Variants in OSBPL10 observed in about 807,000 individuals in gnomAD.
OSBPL10 encodes the protein oxysterol-binding protein-related protein 10.
Under a neutral mutation model 81.7 loss-of-function variants are expected in OSBPL10, and 49 were observed. The ratio of observed to expected loss-of-function variants is 0.60; its 90% CI spans 0.48 to 0.76. OSBPL10 has a LOEUF of 0.76. Ranked by LOEUF, OSBPL10 falls within the 30% of genes least tolerant of loss-of-function variation. The pLI is 0.00. For missense variants in OSBPL10, 923 were observed against 987.8 expected (o/e 0.93, Z 0.88); for synonymous variants, 419 against 383.6 (o/e 1.09, Z -1.08).
chr3:31,888,841 T>G (rs945782792), intron 1 of OSBPL10, among the ~76,000 whole-genome samples: 1 of 151,996 alleles, frequency 6.6e-6, no homozygotes, highest in Non-Finnish European at 1.5e-5. Flanking sequence ...GGAGAATCAC[T>G]CGAACCTGAG....
intron 3 of OSBPL10, among the ~76,000 whole-genome samples, chr3:31,850,170 G>A (rs1371449886): frequency 1.3e-5 from 2 of 151,654 alleles, no homozygotes; most frequent in Non-Finnish European, 2.9e-5. Flanking sequence ...GTCTCAAAAA[G>A]AAAAAAATTA....
intron 1 of OSBPL10, among the ~76,000 whole-genome samples, chr3:31,913,563 T>C (rs565253730): frequency 3.3e-5 from 5 of 152,270 alleles, no homozygotes; most frequent in Non-Finnish European, 7.4e-5. Context: ...ACTAGTTTTA[T>C]AAACCTAAAT....
At chr3:31,814,575 G>A (rs937313406) in intron 4 of OSBPL10, among the ~76,000 whole-genome samples, 2 of 152,164 alleles carry the variant, frequency 1.3e-5, no homozygotes, top group African/African-American at 4.8e-5. Flanking sequence ...ATGCGTCTAT[G>A]AACCACAGAA....
At chr3:31,823,076 A>G (rs1389493330) in intron 4 of OSBPL10, among the ~76,000 whole-genome samples, 1 of 151,934 alleles carries the variant, frequency 6.6e-6, no homozygotes, top group Non-Finnish European at 1.5e-5. Context: ...ATAGGCTTAC[A>G]CTATCATCAC....
At chr3:31,942,822 T>A (rs950017666) in intron 1 of OSBPL10, among the ~76,000 whole-genome samples, 1 of 152,200 alleles carries the variant, frequency 6.6e-6, no homozygotes, top group Non-Finnish European at 1.5e-5. Flanking sequence ...ACAAAAAAAA[T>A]TATGTCAAAT....
At chr3:31,953,181 C>T (rs1697918249) in intron 1 of OSBPL10, among the ~76,000 whole-genome samples, 1 of 151,936 alleles carries the variant, frequency 6.6e-6, no homozygotes, top group Non-Finnish European at 1.5e-5. Flanking sequence ...GATCCATCCA[C>T]CTCAACCTCC....
intron 6 of OSBPL10, chr3:31,717,182 G>C (rs1696468903): frequency 6.6e-6 from 1 of 152,254 alleles, no homozygotes; most frequent in Non-Finnish European, 1.5e-5. Flanking sequence ...ATTTATTGAG[G>C]ACTTTCCATG....
chr3:31,741,033 A>T (rs1697331808), intron 5 of OSBPL10, among the ~76,000 whole-genome samples: 1 of 152,158 alleles, frequency 6.6e-6, no homozygotes, highest in South Asian at 2.1e-4. Flanking sequence ...AATTGTCTTA[A>T]TCTATCCTTG....
At chr3:31,685,518 T>C (rs984587069) in intron 7 of OSBPL10, among the ~76,000 whole-genome samples, 1 of 152,208 alleles carries the variant, frequency 6.6e-6, no homozygotes, top group Non-Finnish European at 1.5e-5. Flanking sequence ...ACAGCCAGCC[T>C]TAACCCAGAG....
intron 1 of OSBPL10, among the ~76,000 whole-genome samples, chr3:31,893,143 A>G (rs1371130746): frequency 6.6e-6 from 1 of 152,188 alleles, no homozygotes; most frequent in East Asian, 1.9e-4. Flanking sequence ...CTAAAGCACA[A>G]TCTCTGGCCA....
intron 1 of OSBPL10, among the ~76,000 whole-genome samples, chr3:31,894,558 T>TTTG (rs1199965255): frequency 1.3e-5 from 2 of 152,194 alleles, no homozygotes; most frequent in Non-Finnish European, 2.9e-5. Flanking sequence ...CCGTTTTTGT[T>TTTG]TTGTTGTTGT....
intron 1 of OSBPL10, among the ~76,000 whole-genome samples, chr3:31,952,631 C>T (rs1203979035): frequency 6.6e-6 from 1 of 152,118 alleles, no homozygotes; most frequent in Non-Finnish European, 1.5e-5. Context: ...TCCATTCACA[C>T]GAAAGGATCA....
intron 1 of OSBPL10, among the ~76,000 whole-genome samples, chr3:31,940,272 A>G (rs1368479360): frequency 6.6e-6 from 1 of 152,242 alleles, no homozygotes; most frequent in African/African-American, 2.4e-5. Context: ...GCACTCAACA[A>G]TGTGGCTGAG....
intron 1 of OSBPL10, among the ~76,000 whole-genome samples, chr3:31,921,332 C>A (rs1299457174): frequency 6.6e-6 from 1 of 152,110 alleles, no homozygotes; most frequent in Non-Finnish European, 1.5e-5. Context: ...TAATACCATT[C>A]TCCAATAAAA....
chr3:31,906,177 C>T lies in OSBPL10; in HGVS notation c.282-26347G>A, dbSNP rs1360444908. On this transcript the variant is annotated intron_variant, in intron 1 of 11. Transcript: ENST00000396556. ...GGGAACCAAAAAACTAACCCCTTTT[C>T]ACTTTGTTCTTCACCAACCCCACAA... 3.3e-5 allele frequency among the ~76,000 whole-genome samples: 5 copies of T among 152,290 alleles called. No homozygotes were observed. The East Asian group carries it at 9.7e-4, about 29-fold the overall frequency.
chr3:32,058,503 T>G (rs1699729576), intron 1 of OSBPL10, among the ~76,000 whole-genome samples: 1 of 152,126 alleles, frequency 6.6e-6, no homozygotes, highest in African/African-American at 2.4e-5. Context: ...AATTTTGTAT[T>G]TTCAGTAGAG....
Position 31,838,988 on chromosome 3 carries a change from C to G in OSBPL10, c.538-8757G>C, listed in dbSNP as rs531673389. 2.6e-4 allele frequency among the ~76,000 whole-genome samples: 39 copies of G among 152,294 alleles called. No homozygotes were observed. In the South Asian group the frequency reaches 3.7e-3, roughly 15 times the overall value. ...TCTGTCTCCACAGCTTACTGCTTCC[C>G]CTCAAGGATGGCCTTTCTCAGGCCA... On this transcript the variant is annotated intron_variant, in intron 3 of 11. Transcript: ENST00000396556.
intron 2 of OSBPL10, among the ~76,000 whole-genome samples, chr3:31,996,582 A>G (rs1336089911): frequency 6.6e-6 from 1 of 152,200 alleles, no homozygotes; most frequent in African/African-American, 2.4e-5. Context: ...AAGAGAAAAG[A>G]CCACTTACAG....
chr3:32,059,681 G>A (rs1305363202), intron 1 of OSBPL10, among the ~76,000 whole-genome samples: 1 of 152,064 alleles, frequency 6.6e-6, no homozygotes, highest in African/African-American at 2.4e-5. Flanking sequence ...ACTCTGGGAG[G>A]CCAAGGTAGG....
Sources: allele counts gnomAD v4.1 joint callset (sites outside exome capture counted in the v4.1 genomes callset), GRCh38; gene constraint gnomAD v4.1.1; transcripts MANE v1.5; gene names NCBI Gene and HGNC (gene_info 2026-07-23, HGNC 2026-07-21).